PRPH: variants seen among roughly 807,000 people sequenced by gnomAD.
PRPH encodes the protein peripherin.
PRPH carries 48 observed loss-of-function variants against 52.6 expected under a neutral mutation model. That is an observed-to-expected ratio of 0.91 (90% CI 0.72 to 1.16). The LOEUF (loss-of-function observed/expected upper bound fraction) is 1.16, where lower values mean the gene tolerates loss of function less well. PRPH is among the 50% of genes most tolerant of loss of function. The pLI, the probability that PRPH is intolerant of heterozygous loss-of-function variation, is 0.00. For synonymous variants in PRPH, 279 were observed against 283.8 expected, an observed-to-expected ratio of 0.98 and a Z score of 0.17; for missense variants, 579 against 635.7, an observed-to-expected ratio of 0.91 and a Z score of 0.96.
In PRPH at chr12:49,295,579, G is replaced by T. The variant is rs775482707; in HGVS notation, c.379G>T (p.Gly127Trp). 1.3e-6 allele frequency: 2 copies of T among 1,560,784 alleles called. No homozygotes were observed. The highest frequency in any genetic ancestry group is 2.4e-5 in the South Asian group (2 of 85,026). ...FLEQQNAALR[G>W]ELSQARGQEP... ...GGAGCAGCAGAACGCGGCCCTGCGCGGGGAGCTGAGCCAAGCCCGGGGCCA... is the reference window on the plus strand; with the variant it reads ...GGAGCAGCAGAACGCGGCCCTGCGCTGGGAGCTGAGCCAAGCCCGGGGCCA... The change falls in exon 1 of 9, where the codon GGG (glycine) becomes TGG (tryptophan). Residue 127 changes from glycine to tryptophan, a missense_variant. By Grantham distance (184) the Gly-to-Trp change is radical. Coordinates refer to ENST00000257860, the MANE Select transcript of PRPH (RefSeq NM_006262.4).
rs1018453614 is a variant in PRPH, at chr12:49,298,540, A to T, written c.*187A>T. ...GGGCCTCTCCCTGCCCTGACACTTG[A>T]TGTGACCTATGTGCTTCCCTTTTCA... On this transcript the variant is annotated 3_prime_UTR_variant, in exon 9 of 9. Transcript: ENST00000257860. 1.6e-6 allele frequency: 1 copy of T among 616,216 alleles called. No homozygotes were observed. The highest frequency in any genetic ancestry group is 2.9e-6 in the Non-Finnish European group (1 of 344,344). 38.2% of individuals were successfully genotyped at this position (616,216 alleles called of 1,614,324 possible).
chr12:49,296,445 C>CCACT lies in PRPH; in HGVS notation c.622_625dup (p.Leu209HisfsTer12). 1 of 1,614,138 alleles carries CCACT rather than the reference C, an allele frequency of 6.2e-7. No individual in the cohort carries two copies. The highest frequency in any genetic ancestry group is 8.5e-7 in the Non-Finnish European group (1 of 1,180,000). ...CACCCCTCGAAGGACGTGGACGATG[C>CCACT]CACTCTGTCCCGCCTGGAACTAGAG... On this transcript the variant is annotated frameshift_variant, in exon 3 of 9. Transcript: ENST00000257860. LOFTEE classifies it high-confidence loss of function. This position sits in a 1 kb window ranked among gnomAD's most constrained non-coding sequence, Gnocchi z 5.1.
rs1592296971 is a variant in PRPH at position 49,296,629 on chromosome 12, C to A, written c.702+102C>A. The A allele has an allele frequency of 8.3e-7, 1 of 1,201,686 alleles. No homozygotes were observed. Among genetic ancestry groups the A allele is most frequent in the East Asian group, 2.5e-5 (1 of 40,708 alleles). The allele number at this position is 1,201,686 out of a possible 1,614,324, so 74.4% of individuals were successfully genotyped here. On this transcript the variant is annotated intron_variant, in intron 3 of 8. Transcript: ENST00000257860. The surrounding 1 kb of genome is among the most constrained non-coding windows in gnomAD (Gnocchi z 5.1). The stretch of plus-strand genomic sequence containing the variant: ...CATCGCCCTGGGGATCAGGACGATG[C>A]TGGGTAGACGCAGCCCCTCCACCCT...
Position 49,297,232 on chromosome 12 carries a change from A to T in PRPH, c.955A>T (p.Ile319Phe). 6.2e-7 allele frequency: 1 copy of T among 1,614,000 alleles called. No homozygotes were observed. Among genetic ancestry groups the T allele is most frequent in the Non-Finnish European group, 8.5e-7 (1 of 1,179,984 alleles). The change falls in exon 5 of 9, where the codon ATC becomes TTC. Residue 319 changes from isoleucine to phenylalanine, a missense_variant. Coordinates refer to ENST00000257860, the MANE Select transcript of PRPH (RefSeq NM_006262.4). This position sits in a 1 kb window ranked among gnomAD's most constrained non-coding sequence, Gnocchi z 4.4. The stretch of plus-strand genomic sequence containing the variant: ...GGAGATGAACGAGTCCCGACGCCAG[A>T]TCCAGAGTCTAACGTGCGAGGTGGA... ...KQEMNESRRQ[I>F]QSLTCEVDGL...
At position 49,296,606 on chromosome 12, in the gene PRPH, T is replaced by A; in HGVS notation, c.702+79T>A. 5 of 1,368,294 alleles carry A rather than the reference T, an allele frequency of 3.7e-6. No individual in the cohort carries two copies. The South Asian group carries it at 6.0e-5, about 16-fold the overall frequency. 84.8% of individuals were successfully genotyped at this position (1,368,294 alleles called of 1,614,324 possible). ...GGAGCTGGCGGGTGGAGCGGAGGCATCGCCCTGGGGATCAGGACGATGCTG... is the reference window on the plus strand; with the variant it reads ...GGAGCTGGCGGGTGGAGCGGAGGCAACGCCCTGGGGATCAGGACGATGCTG... On this transcript the variant is annotated intron_variant, in intron 3 of 8. Coordinates refer to ENST00000257860, the MANE Select transcript of PRPH (RefSeq NM_006262.4). The surrounding 1 kb of genome is among the most constrained non-coding windows in gnomAD (Gnocchi z 5.1).
Position 49,296,748 on chromosome 12 carries a change from G to A in PRPH, c.703-141G>A. On this transcript the variant is annotated intron_variant, in intron 3 of 8. Transcript: ENST00000257860. The surrounding 1 kb of genome is among the most constrained non-coding windows in gnomAD (Gnocchi z 5.1). ...ACCTGGCCTCTGGTCTCGCGCCCGC[G>A]GGGGCGCAGGGCTGTACGCCCTGCC... 4 of 1,356,076 alleles carry A rather than the reference G, an allele frequency of 2.9e-6. No individual in the cohort carries two copies. Among genetic ancestry groups the A allele is most frequent in the Admixed American group, 4.6e-5 (2 of 43,834 alleles). 84.0% of individuals were successfully genotyped at this position (1,356,076 alleles called of 1,614,324 possible).
chr12:49,297,634 G>A lies in PRPH; in HGVS notation c.1218-43G>A, dbSNP rs1485248963. ...CGGGGTCGGGACTGGGCCGGGCAGG[G>A]CGGGGCCTGGGCAGGGGCGCTGACA... On this transcript the variant is annotated intron_variant, in intron 6 of 8. Transcript: ENST00000257860. The surrounding 1 kb of genome is among the most constrained non-coding windows in gnomAD (Gnocchi z 4.4). 2 of 1,612,140 alleles carry A rather than the reference G, an allele frequency of 1.2e-6. No homozygotes were observed. Among genetic ancestry groups the A allele is most frequent in the Non-Finnish European group, 1.7e-6 (2 of 1,179,830 alleles).
Position 49,296,284 on chromosome 12 carries a change from C to A in PRPH, c.606+46C>A. 6.2e-7 allele frequency: 1 copy of A among 1,605,216 alleles called. No homozygotes were observed. Among genetic ancestry groups the A allele is most frequent in the Non-Finnish European group, 8.5e-7 (1 of 1,174,452 alleles). ...GAGTTCAGCCTCCCCACCGCTACCC[C>A]CGATCTCAGTATCCAGAGGTGGCAT... On this transcript the variant is annotated intron_variant, in intron 2 of 8. Coordinates refer to ENST00000257860, the MANE Select transcript of PRPH (RefSeq NM_006262.4). This position sits in a 1 kb window ranked among gnomAD's most constrained non-coding sequence, Gnocchi z 5.1.
Position 49,296,212 on chromosome 12 carries a change from G to T in PRPH, c.580G>T (p.Glu194Ter). 1 of 1,613,166 alleles carries T rather than the reference G, an allele frequency of 6.2e-7. No homozygotes were observed. Among genetic ancestry groups the T allele is most frequent in the Non-Finnish European group, 8.5e-7 (1 of 1,179,948 alleles). Residue 194 changes from glutamate to a stop codon, truncating the protein, a stop_gained, in exon 2 of 9, where the codon GAG becomes TAG. Transcript: ENST00000257860. LOFTEE classifies it high-confidence loss of function. This position sits in a 1 kb window ranked among gnomAD's most constrained non-coding sequence, Gnocchi z 5.1. The stretch of plus-strand genomic sequence containing the variant: ...GGAGACGCGCAAGCGGGAGGACGCG[G>T]AGCACAACCTCGTGCTCTTCCGCAA... ...EEETRKREDAEHNLVLFRKDV... is the reference protein window; with the variant it reads ...EEETRKREDA
rs768846672 is a variant in PRPH, at chr12:49,297,359, C to G, written c.999C>G (p.Asn333Lys). The change falls in exon 6 of 9, where the codon AAC becomes AAG. Residue 333 changes from asparagine to lysine, a missense_variant and splice_region_variant. Asn to Lys is a moderately conservative substitution (Grantham distance 94). Coordinates refer to ENST00000257860, the MANE Select transcript of PRPH (RefSeq NM_006262.4). The surrounding 1 kb of genome is among the most constrained non-coding windows in gnomAD (Gnocchi z 4.4). ...TCEVDGLRGT[N>K]EALLRQLREL... ...CCCCTTCCACTCTCCTACCCCAGAA[C>G]GAGGCGCTGCTCAGGCAGTTGAGAG... 6.2e-7 allele frequency: 1 copy of G among 1,613,714 alleles called. No individual in the cohort carries two copies. The highest frequency in any genetic ancestry group is 8.5e-7 in the Non-Finnish European group (1 of 1,179,984).
intron 1 of PRPH, 186 bp from the exon 2 acceptor site, chr12:49,295,992 A>G: frequency 7.2e-7 from 1 of 1,387,144 alleles, no homozygotes; most frequent in African/African-American, 1.4e-5. Context: ...AGTAATGAGG[A>G]AACCCCCTTT....
At position 49,296,285 on chromosome 12, in the gene PRPH, CG is replaced by C. The variant is rs748854945; in HGVS notation, c.606+48del. ...AGTTCAGCCTCCCCACCGCTACCCC[CG>C]ATCTCAGTATCCAGAGGTGGCATCG... On this transcript the variant is annotated intron_variant, in intron 2 of 8. Transcript: ENST00000257860. The surrounding 1 kb of genome is among the most constrained non-coding windows in gnomAD (Gnocchi z 5.1). The C allele has an allele frequency of 3.7e-6, 6 of 1,604,348 alleles. No homozygotes were observed. The highest frequency in any genetic ancestry group is 2.2e-5 in the East Asian group (1 of 44,714).
In PRPH at chr12:49,298,664, A is replaced by T. The variant is rs1349088246; in HGVS notation, c.*311A>T. The T allele has an allele frequency of 7.2e-6, 3 of 416,750 alleles. No homozygotes were observed. Among genetic ancestry groups the T allele is most frequent in the Admixed American group, 3.6e-5 (1 of 28,016 alleles). The allele number at this position is 416,750 out of a possible 1,614,324, so 25.8% of individuals were successfully genotyped here. A position where few individuals can be genotyped will look rare whatever the true frequency, so the allele number is the denominator to read the frequency against. On this transcript the variant is annotated 3_prime_UTR_variant, in exon 9 of 9. Transcript: ENST00000257860. ...GGGTCTGAGTTTCACATTTGAACCAAATAAAATGCTGTCAAGAGAAAACTC... is the reference window on the plus strand; with the variant it reads ...GGGTCTGAGTTTCACATTTGAACCATATAAAATGCTGTCAAGAGAAAACTC...
intron 8 of PRPH, 42 bp downstream of exon 8, chr12:49,298,079 T>C (rs1220652408): frequency 6.3e-7 from 1 of 1,598,836 alleles, no homozygotes; most frequent in Non-Finnish European, 8.6e-7. Context: ...CCATTTCCCA[T>C]ATTATTTCTG....
Position 49,298,645 on chromosome 12 carries a change from G to T in PRPH, c.*292G>T, listed in dbSNP as rs753449951. ...ATGAGAAGTGGGTGAGCCAGGGTCT[G>T]AGTTTCACATTTGAACCAAATAAAA... On this transcript the variant is annotated 3_prime_UTR_variant, in exon 9 of 9. Coordinates refer to ENST00000257860, the MANE Select transcript of PRPH (RefSeq NM_006262.4). The T allele has an allele frequency of 7.5e-5, 35 of 467,008 alleles. No individual in the cohort carries two copies. Among genetic ancestry groups the T allele is most frequent in the Non-Finnish European group, 1.3e-4 (34 of 254,440 alleles). 28.9% of individuals were successfully genotyped at this position (467,008 alleles called of 1,614,324 possible).
Position 49,297,193 on chromosome 12 carries a change from C to A in PRPH, c.916C>A (p.Arg306Ser). 1.2e-6 allele frequency: 2 copies of A among 1,614,022 alleles called. No individual in the cohort carries two copies. Among genetic ancestry groups the A allele is most frequent in the East Asian group, 2.2e-5 (1 of 44,868 alleles). ...TGCCAACCGGAACCACGAGGCCCTG[C>A]GCCAGGCCAAGCAGGAGATGAACGA... ...DAANRNHEALRQAKQEMNESR... is the reference protein window; with the variant it reads ...DAANRNHEALSQAKQEMNESR... The change falls in exon 5 of 9, where the codon CGC becomes AGC. Residue 306 changes from arginine (R) to serine (S), a missense_variant. Arg to Ser is a moderately radical substitution (Grantham distance 110). Coordinates refer to ENST00000257860, the MANE Select transcript of PRPH (RefSeq NM_006262.4). This position sits in a 1 kb window ranked among gnomAD's most constrained non-coding sequence, Gnocchi z 4.4.
chr12:49,296,700 G>A lies in PRPH; in HGVS notation c.702+173G>A. 8.7e-7 allele frequency: 1 copy of A among 1,146,946 alleles called. No homozygotes were observed. The highest frequency in any genetic ancestry group is 1.4e-5 in the South Asian group (1 of 71,430). 71.0% of individuals were successfully genotyped at this position (1,146,946 alleles called of 1,614,324 possible). A position where few individuals can be genotyped will look rare whatever the true frequency, so the allele number is the denominator to read the frequency against. Reference sequence around the variant, plus strand: ...CCCACCCTTGCGCCACCTGGCGGCGGGCAGCGGGGCTGTACCTCCGAAACC... The same window carrying A: ...CCCACCCTTGCGCCACCTGGCGGCGAGCAGCGGGGCTGTACCTCCGAAACC... On this transcript the variant is annotated intron_variant, in intron 3 of 8. Transcript: ENST00000257860. The surrounding 1 kb of genome is among the most constrained non-coding windows in gnomAD (Gnocchi z 5.1).
chr12:49,297,837 G>A lies in PRPH; in HGVS notation c.1267+111G>A. On this transcript the variant is annotated intron_variant, in intron 7 of 8. Transcript: ENST00000257860. The surrounding 1 kb of genome is among the most constrained non-coding windows in gnomAD (Gnocchi z 4.4). The stretch of plus-strand genomic sequence containing the variant: ...CTCCCCACGGAACTTCTGGGTCCTG[G>A]CCTGTACCCACCCCTACTCCTCAAA... The A allele has an allele frequency of 1.3e-6, 2 of 1,588,632 alleles. No individual in the cohort carries two copies. The highest frequency in any genetic ancestry group is 2.2e-5 in the South Asian group (2 of 90,510).
chr12:49,297,647 A>G lies in PRPH; in HGVS notation c.1218-30A>G. On this transcript the variant is annotated intron_variant, in intron 6 of 8. Transcript: ENST00000257860. This position sits in a 1 kb window ranked among gnomAD's most constrained non-coding sequence, Gnocchi z 4.4. The stretch of plus-strand genomic sequence containing the variant: ...GGGCCGGGCAGGGCGGGGCCTGGGC[A>G]GGGGCGCTGACAACTTGCTTCGCCT... 2 of 1,613,092 alleles carry G rather than the reference A, an allele frequency of 1.2e-6. No individual in the cohort carries two copies. The highest frequency in any genetic ancestry group is 1.7e-6 in the Non-Finnish European group (2 of 1,179,966).
Sources: gnomAD v4.1 joint callset for allele counts on GRCh38, gnomAD v4.1.1 for gene constraint, Gnocchi (gnomAD v3.1) non-coding constraint, MANE v1.5 for transcripts, NCBI Gene and HGNC (gene_info 2026-07-23, HGNC 2026-07-21) for gene names.